NUS1: variants seen among roughly 807,000 people sequenced by gnomAD.
The protein encoded by NUS1 is NUS1 dehydrodolichyl diphosphate synthase subunit.
For missense variants in NUS1, 292 were observed against 382.9 expected (o/e 0.76, Z 1.98); for synonymous variants, 135 against 155.2 (o/e 0.87, Z 0.97).
In NUS1 at chr6:117,675,991, G is replaced by A. The variant is rs1772973126; in HGVS notation, c.321G>A (p.Glu107=). The part of the protein sequence containing the change: ...LPVHMGLVIT[E]VEQEPSFSDI... Reference sequence around the variant, plus strand: ...TGCATATGGGCCTGGTGATCACCGAGGTGGAGCAGGAACCCAGCTTCTCGG... The same window carrying A: ...TGCATATGGGCCTGGTGATCACCGAAGTGGAGCAGGAACCCAGCTTCTCGG... Residue 107 remains glutamate (E), a synonymous_variant, in exon 1 of 5, where the codon GAG becomes GAA. Transcript: ENST00000368494. The A allele has an allele frequency of 6.5e-7, 1 of 1,549,474 alleles. No individual in the cohort carries two copies. The highest frequency in any genetic ancestry group is 1.4e-5 in the African/African-American group (1 of 73,000).
intron 1 of NUS1, among the ~76,000 whole-genome samples, chr6:117,688,423 T>A (rs1773169590): frequency 1.3e-5 from 2 of 151,504 alleles, no homozygotes; most frequent in Admixed American, 6.6e-5. Flanking sequence ...ATGGCTTTTT[T>A]AGAAATAGAG....
chr6:117,683,467 T>A (rs57002978), intron 1 of NUS1, among the ~76,000 whole-genome samples: 9,759 of 152,290 alleles, frequency 0.064, 353 homozygotes, highest in African/African-American at 0.092. Context: ...TCTCTGAAGA[T>A]TGCTCTCTAG....
rs753713015 is a variant in NUS1 at position 117,694,068 on chromosome 6, G to A, written c.579G>A (p.Pro193=). The A allele has an allele frequency of 1.4e-5, 23 of 1,611,238 alleles. No homozygotes were observed. Among genetic ancestry groups the A allele is most frequent in the Admixed American group, 1.2e-4 (7 of 59,838 alleles). Residue 193 remains proline, a synonymous_variant, in exon 3 of 5, where the codon CCG becomes CCA. Transcript: ENST00000368494. ...NCHLAVKVLS[P]EDGKADIVRA... ...ATTTGGCAGTGAAGGTGCTGTCTCC[G>A]GAAGATGGAAAAGCAGATATTGTAA... is the stretch of plus-strand genomic sequence containing the variant.
intron 3 of NUS1, among the ~76,000 whole-genome samples, chr6:117,703,233 C>A (rs1773436711): frequency 6.6e-6 from 1 of 152,154 alleles, no homozygotes; most frequent in African/African-American, 2.4e-5. Flanking sequence ...GCAGTCACAC[C>A]TTTAGAACTG....
chr6:117,681,550 A>G lies in NUS1; in HGVS notation c.415+5465A>G, dbSNP rs1445127927. Among the ~76,000 whole-genome samples, 8 of 152,352 alleles carry G rather than the reference A, an allele frequency of 5.3e-5. No homozygotes were observed. In the East Asian group the frequency reaches 7.7e-4, roughly 15 times the overall value. ...TAGTTGGCACAGTGACACAGATGCT[A>G]TTGAGAAGTATGATTTTCTTAAGTT... is the stretch of plus-strand genomic sequence containing the variant. On this transcript the variant is annotated intron_variant, in intron 1 of 4. Coordinates refer to ENST00000368494, the MANE Select transcript of NUS1 (RefSeq NM_138459.5).
intron 1 of NUS1, among the ~76,000 whole-genome samples, chr6:117,685,961 CATT>C: frequency 8.5e-6 from 1 of 118,026 alleles, no homozygotes; most frequent in Non-Finnish European, 1.7e-5. Context: ...TACTCCGTCT[CATT>C]AAAAAAAAAA....
At chr6:117,678,830 C>T (rs191688100) in intron 1 of NUS1, among the ~76,000 whole-genome samples, 37 of 152,078 alleles carry the variant, frequency 2.4e-4, no homozygotes, top group South Asian at 1.2e-3. Context: ...AGGTGATGCG[C>T]GCCACCCCGC....
rs543366946 is a variant in NUS1 at position 117,710,211 on chromosome 6, C to G, written c.*3196C>G. ...GTCTTATGCTGCATAGACTATTCACCTCCTAACTTGAAGGTCTAATCATAA... is the reference window on the plus strand; with the variant it reads ...GTCTTATGCTGCATAGACTATTCACGTCCTAACTTGAAGGTCTAATCATAA... On this transcript the variant is annotated 3_prime_UTR_variant, in exon 5 of 5. Transcript: ENST00000368494. The G allele has an allele frequency of 6.6e-6, 1 of 152,138 alleles. No individual in the cohort carries two copies. The highest frequency in any genetic ancestry group is 1.5e-5 in the Non-Finnish European group (1 of 67,944). 9.4% of individuals were successfully genotyped at this position (152,138 alleles called of 1,614,324 possible). A position where few individuals can be genotyped will look rare whatever the true frequency, so the allele number is the denominator to read the frequency against.
chr6:117,700,007 C>G (rs527790651), intron 3 of NUS1, among the ~76,000 whole-genome samples: 1 of 152,236 alleles, frequency 6.6e-6, no homozygotes, highest in Admixed American at 6.5e-5. Context: ...AAAATCAAAT[C>G]AAAATGCATA....
At position 117,707,513 on chromosome 6, in the gene NUS1, A is replaced by G. The variant is rs1292134441; in HGVS notation, c.*498A>G. The G allele has an allele frequency of 7.1e-6, 1 of 140,172 alleles. No individual in the cohort carries two copies. The highest frequency in any genetic ancestry group is 2.9e-5 in the African/African-American group (1 of 34,876). The allele number at this position is 140,172 out of a possible 1,614,324, so 8.7% of individuals were successfully genotyped here. ...TCTGAGTTGAAAGGAGCTCCAGAGG[A>G]GTGGAGTTCTGTGTTGCTCACATGT... On this transcript the variant is annotated 3_prime_UTR_variant, in exon 5 of 5. Coordinates refer to ENST00000368494, the MANE Select transcript of NUS1 (RefSeq NM_138459.5).
intron 1 of NUS1, among the ~76,000 whole-genome samples, 200 bp from the exon 2 acceptor site, chr6:117,692,842 T>A (rs1773261229): frequency 6.6e-6 from 1 of 152,142 alleles, no homozygotes; most frequent in Non-Finnish European, 1.5e-5. Flanking sequence ...TCTGTTCTTT[T>A]TTTTGCTGGA....
chr6:117,683,010 G>A (rs1327571035), intron 1 of NUS1, among the ~76,000 whole-genome samples: 2 of 152,102 alleles, frequency 1.3e-5, no homozygotes, highest in East Asian at 1.9e-4. Context: ...TGAGTTATAG[G>A]ACACATTTTT....
At chr6:117,682,803 C>T (rs1463813536) in intron 1 of NUS1, among the ~76,000 whole-genome samples, 2 of 152,142 alleles carry the variant, frequency 1.3e-5, no homozygotes, top group African/African-American at 4.8e-5. Flanking sequence ...TTGTGCTTAA[C>T]CGTTACATTA....
intron 3 of NUS1, among the ~76,000 whole-genome samples, chr6:117,696,540 A>G (rs1048281643): frequency 6.6e-6 from 1 of 152,136 alleles, no homozygotes; most frequent in Non-Finnish European, 1.5e-5. Flanking sequence ...AAGAAACAAC[A>G]TACAATAGAG....
intron 1 of NUS1, among the ~76,000 whole-genome samples, chr6:117,682,080 C>G (rs1773069349): frequency 6.6e-6 from 1 of 152,156 alleles, no homozygotes; most frequent in Admixed American, 6.5e-5. Context: ...GATCCACCTG[C>G]CTCAGCCTCC....
chr6:117,703,764 C>A, intron 4 of NUS1, 60 bp downstream of exon 4: 1 of 1,125,418 alleles, frequency 8.9e-7, no homozygotes, highest in Non-Finnish European at 1.4e-6. Context: ...TTGAGTTCAG[C>A]ACTGTACTAG....
At chr6:117,686,220 A>G (rs1773137780) in intron 1 of NUS1, among the ~76,000 whole-genome samples, 1 of 152,038 alleles carries the variant, frequency 6.6e-6, no homozygotes, top group African/African-American at 2.4e-5. Context: ...AGATCGCGCC[A>G]CTGCACTCCA....
chr6:117,703,042 T>C (rs1773432900), intron 3 of NUS1, among the ~76,000 whole-genome samples: 1 of 152,210 alleles, frequency 6.6e-6, no homozygotes, highest in Admixed American at 6.5e-5. Context: ...TTGGTCTCCT[T>C]TTCCTCTCTG....
At chr6:117,692,590 A>C (rs1773238780) in intron 1 of NUS1, among the ~76,000 whole-genome samples, 1 of 152,120 alleles carries the variant, frequency 6.6e-6, no homozygotes, top group African/African-American at 2.4e-5. Flanking sequence ...TTAAAAAACT[A>C]ATCAAATTGA....
Sources: allele counts gnomAD v4.1 joint callset (sites outside exome capture counted in the v4.1 genomes callset), GRCh38; gene constraint gnomAD v4.1.1; transcripts MANE v1.5; gene names NCBI Gene and HGNC (gene_info 2026-07-23, HGNC 2026-07-21).